The following CACNA1E variants were observed in gnomAD, a reference collection of about 807,000 sequenced individuals.
The protein encoded by CACNA1E is voltage-dependent R-type calcium channel subunit alpha-1E.
CACNA1E carries 40 observed loss-of-function variants against 259.2 expected under a neutral mutation model. The observed-to-expected ratio is 0.15, with a 90% CI of 0.12 to 0.20. The LOEUF is 0.20. Among genes scored for constraint, CACNA1E ranks in the 10% least tolerant of loss-of-function variants. CACNA1E has a pLI of 1.00. For synonymous variants in CACNA1E, 1,104 were observed against 1,138.5 expected, an observed-to-expected ratio of 0.97 and a Z score of 0.61; for missense variants, 1,874 against 3,040.1, an observed-to-expected ratio of 0.62 and a Z score of 9.02.
At chr1:181,386,731 T>C in intron 1 of CACNA1E, among the ~76,000 whole-genome samples, 1 of 152,190 alleles carries the variant, frequency 6.6e-6, no homozygotes, top group Non-Finnish European at 1.5e-5. Flanking sequence ...ATCAGTATTG[T>C]CTGCTCATCA....
intron 1 of CACNA1E, among the ~76,000 whole-genome samples, chr1:181,364,496 C>A (rs1435888309): frequency 6.6e-6 from 1 of 152,068 alleles, no homozygotes; most frequent in Non-Finnish European, 1.5e-5. Flanking sequence ...TGGAGGCTAT[C>A]CCAGAAGGAG....
chr1:181,331,586 C>T (rs934010078), intron 1 of CACNA1E, among the ~76,000 whole-genome samples: 1 of 152,200 alleles, frequency 6.6e-6, no homozygotes, highest in Non-Finnish European at 1.5e-5. Flanking sequence ...ACCTATTCCA[C>T]TCAGACTCAC....
Position 181,721,750 on chromosome 1 carries a change from T to A in CACNA1E, c.1957-8T>A. The stretch of plus-strand genomic sequence containing the variant: ...GTTTCTGATGCGCCTGTCATTTGCT[T>A]TTTGTAGATCCTGACGGGTGAGGAC... On this transcript the variant is annotated splice_region_variant and splice_polypyrimidine_tract_variant and intron_variant, in intron 15 of 47. Transcript: ENST00000367573. 1 of 1,590,858 alleles carries A rather than the reference T, an allele frequency of 6.3e-7. No individual in the cohort carries two copies. The highest frequency in any genetic ancestry group is 8.6e-7 in the Non-Finnish European group (1 of 1,159,378).
Position 181,711,006 on chromosome 1 carries a change from C to T in CACNA1E, c.1108C>T (p.Leu370=). Residue 370 remains leucine (L), a synonymous_variant, in exon 8 of 48, where the codon CTG becomes TTG. Transcript: ENST00000367573. ...GGAGAACCGAAGGGCTTTCATGAAG[C>T]TGCGGCGCCAGCAGCAGATTGAGCG... ...RVENRRAFMK[L]RRQQQIEREL... 1.2e-6 allele frequency: 2 copies of T among 1,613,920 alleles called. No individual in the cohort carries two copies. The highest frequency in any genetic ancestry group is 1.7e-6 in the Non-Finnish European group (2 of 1,179,886).
chr1:181,736,224 A>G, intron 21 of CACNA1E, 51 bp from the exon 22 acceptor site: 2 of 1,535,888 alleles, frequency 1.3e-6, no homozygotes, highest in Middle Eastern at 3.4e-4. Context: ...AAATGGTGCC[A>G]TTTTCACATG....
At chr1:181,570,910 C>G (rs1650343775) in intron 3 of CACNA1E, among the ~76,000 whole-genome samples, 1 of 152,202 alleles carries the variant, frequency 6.6e-6, no homozygotes, top group Non-Finnish European at 1.5e-5. Context: ...ATATCCCTGC[C>G]CCAACAAGGT....
intron 3 of CACNA1E, among the ~76,000 whole-genome samples, chr1:181,554,461 C>G (rs1648517302): frequency 6.6e-6 from 1 of 152,180 alleles, no homozygotes; most frequent in South Asian, 2.1e-4. Flanking sequence ...GGTACCATAT[C>G]TTTAGCATTT....
chr1:181,538,510 A>G (rs1467484757), intron 3 of CACNA1E, among the ~76,000 whole-genome samples: 1 of 152,212 alleles, frequency 6.6e-6, no homozygotes, highest in East Asian at 1.9e-4. Context: ...GTAAATGTGC[A>G]TGTATATGTA....
chr1:181,511,253 C>A, intron 2 of CACNA1E, 118 bp from the exon 3 acceptor site: 1 of 1,216,676 alleles, frequency 8.2e-7, no homozygotes, highest in Non-Finnish European at 1.2e-6. Flanking sequence ...CCTTGCTTCC[C>A]ACCTACACAT....
In CACNA1E at chr1:181,722,239, A is replaced by G. The variant is rs3905012; in HGVS notation, c.2074+364A>G. ...TAATGAATTAATTACATGCTAATGT[A>G]GAACAGAGCCTGCCACATAGTAAGA... On this transcript the variant is annotated intron_variant, in intron 16 of 47. Transcript: ENST00000367573. Among the ~76,000 whole-genome samples, 187 of 152,350 alleles carry G rather than the reference A, an allele frequency of 1.2e-3. 1 individual carries two copies. Among genetic ancestry groups the G allele is most frequent in the African/African-American group, 4.0e-3 (167 of 41,582 alleles).
chr1:181,348,424 G>T (rs1652782757), intron 1 of CACNA1E, among the ~76,000 whole-genome samples: 1 of 152,092 alleles, frequency 6.6e-6, no homozygotes, highest in Non-Finnish European at 1.5e-5. Context: ...CACAGTCAAA[G>T]AAAGCGTGAG....
chr1:181,554,379 G>C (rs2877684), intron 3 of CACNA1E, among the ~76,000 whole-genome samples: 62,478 of 152,006 alleles, frequency 0.41, 14,284 homozygotes, highest in Non-Finnish European at 0.5. Flanking sequence ...CACAGACTCT[G>C]ACAGGGGTTC....
intron 1 of CACNA1E, among the ~76,000 whole-genome samples, chr1:181,334,337 C>A (rs1260789223): frequency 6.6e-6 from 1 of 152,234 alleles, no homozygotes; most frequent in African/African-American, 2.4e-5. Context: ...TCTATAATCA[C>A]TTATCCAAGG....
chr1:181,671,422 A>G (rs904218654), intron 7 of CACNA1E, among the ~76,000 whole-genome samples: 1 of 152,206 alleles, frequency 6.6e-6, no homozygotes, highest in Non-Finnish European at 1.5e-5. Context: ...TATTTTTCTC[A>G]TGGCTGAGAC....
intron 21 of CACNA1E, among the ~76,000 whole-genome samples, chr1:181,735,470 A>T (rs1277673951): frequency 6.6e-6 from 1 of 152,170 alleles, no homozygotes; most frequent in African/African-American, 2.4e-5. Flanking sequence ...AGCAGGGAGC[A>T]GTGGGCGAGG....
rs632026 is a variant in CACNA1E at position 181,510,800 on chromosome 1, A to G, written c.372+218A>G. Among the ~76,000 whole-genome samples the G allele has an allele frequency of 6.9e-3, 1,055 of 152,348 alleles. 12 individuals are homozygous for G. Among genetic ancestry groups the G allele is most frequent in the African/African-American group, 0.024 (996 of 41,582 alleles). ...TGCTGCGTGGCAGCCAGGGAAGAAG[A>G]AAGGGCAGGCACAGGCCCATTTTCT... is the stretch of plus-strand genomic sequence containing the variant. On this transcript the variant is annotated intron_variant, in intron 2 of 47. Transcript: ENST00000367573.
At chr1:181,765,452 C>T (rs1658937532) in intron 34 of CACNA1E, among the ~76,000 whole-genome samples, 1 of 152,196 alleles carries the variant, frequency 6.6e-6, no homozygotes, top group African/African-American at 2.4e-5. Context: ...AAAGTGTAGT[C>T]AACCCCCATC....
At chr1:181,356,168 A>G (rs970598227) in intron 1 of CACNA1E, among the ~76,000 whole-genome samples, 1 of 152,212 alleles carries the variant, frequency 6.6e-6, no homozygotes, top group Non-Finnish European at 1.5e-5. Context: ...CTCACTGGCC[A>G]ACAAGTGCTC....
At chr1:181,748,385 AT>A (rs1191107421) in intron 25 of CACNA1E, among the ~76,000 whole-genome samples, 1 of 152,232 alleles carries the variant, frequency 6.6e-6, no homozygotes, top group Non-Finnish European at 1.5e-5. Context: ...CTGGGGGGAA[AT>A]TAATTCAAGA....
Sources: gnomAD v4.1 joint callset for allele counts (sites outside exome capture counted in the v4.1 genomes callset) on GRCh38, gnomAD v4.1.1 for gene constraint, MANE v1.5 for transcripts, NCBI Gene and HGNC (gene_info 2026-07-23, HGNC 2026-07-21) for gene names.